ZC3H12C: variants seen among roughly 807,000 people sequenced by gnomAD.
ZC3H12C encodes the protein probable ribonuclease ZC3H12C.
Under a neutral mutation model 76.3 loss-of-function variants are expected in ZC3H12C, and 20 were observed. The ratio of observed to expected loss-of-function variants is 0.26; its 90% CI spans 0.18 to 0.38. The LOEUF (loss-of-function observed/expected upper bound fraction) is 0.38, where lower values mean the gene tolerates loss of function less well. Among genes scored for constraint, ZC3H12C ranks in the 10% least tolerant of loss-of-function variants. The probability of loss-of-function intolerance (pLI) is 1.00; values close to 1 mark genes in which losing one functional copy is unlikely to be tolerated. For synonymous variants in ZC3H12C, 352 were observed against 399.6 expected, an observed-to-expected ratio of 0.88 and a Z score of 1.42; for missense variants, 874 against 1,086.5, an observed-to-expected ratio of 0.80 and a Z score of 2.75.
rs1400071818 is a variant in ZC3H12C, at chr11:110,171,397, T to C, written c.*5660T>C. 1 of 152,232 alleles carries C rather than the reference T, an allele frequency of 6.6e-6. No homozygotes were observed. Among genetic ancestry groups the C allele is most frequent in the Non-Finnish European group, 1.5e-5 (1 of 68,034 alleles). 9.4% of individuals were successfully genotyped at this position (152,232 alleles called of 1,614,324 possible). A position where few individuals can be genotyped will look rare whatever the true frequency, so the allele number is the denominator to read the frequency against. ...GAGTCATATGCTGCTAGTAGAATTT[T>C]TTATTTGATCCTGCGAACTTTTCTT... On this transcript the variant is annotated 3_prime_UTR_variant, in exon 6 of 6. Coordinates refer to ENST00000278590, the MANE Select transcript of ZC3H12C (RefSeq NM_033390.2).
At chr11:110,136,338 TC>T in intron 1 of ZC3H12C, 1 of 214,026 alleles carries the variant, frequency 4.7e-6, no homozygotes, top group East Asian at 1.1e-4. Flanking sequence ...AGTAGAAAAA[TC>T]TGATCCATCG....
chr11:110,093,693 CG>C (rs896615730), intron 1 of ZC3H12C, among the ~76,000 whole-genome samples: 1 of 152,050 alleles, frequency 6.6e-6, no homozygotes, highest in South Asian at 2.1e-4. Context: ...GCCGGGATTT[CG>C]GGCGAGGTGA....
At position 110,165,232 on chromosome 11, in the gene ZC3H12C, G is replaced by A; in HGVS notation, c.2147G>A (p.Gly716Asp). Residue 716 changes from glycine to aspartate, a missense_variant, in exon 6 of 6, where the codon GGC (glycine) becomes GAC (aspartate). By Grantham distance (94) the Gly-to-Asp change is moderately conservative. Transcript: ENST00000278590. ...CTGCACCTGCCGCACTCCGCTGTGG[G>A]CGCCCGGTCCAGCTGTCCTGGCGAC... ...LALHLPHSAV[G>D]ARSSCPGDYP... 3.1e-6 allele frequency: 5 copies of A among 1,613,934 alleles called. No homozygotes were observed. The highest frequency in any genetic ancestry group is 4.2e-6 in the Non-Finnish European group (5 of 1,179,886).
intron 1 of ZC3H12C, among the ~76,000 whole-genome samples, chr11:110,133,095 CA>C (rs1404549773): frequency 6.6e-6 from 1 of 152,004 alleles, no homozygotes; most frequent in Non-Finnish European, 1.5e-5. Flanking sequence ...AAATCTTTAT[CA>C]TGTAGCTTTT....
Position 110,167,478 on chromosome 11 carries a change from A to G in ZC3H12C, c.*1741A>G, listed in dbSNP as rs1281396624. 4 of 152,216 alleles carry G rather than the reference A, an allele frequency of 2.6e-5. No homozygotes were observed. The highest frequency in any genetic ancestry group is 4.4e-5 in the Non-Finnish European group (3 of 68,020). The allele number at this position is 152,216 out of a possible 1,614,324, so 9.4% of individuals were successfully genotyped here. On this transcript the variant is annotated 3_prime_UTR_variant, in exon 6 of 6. Transcript: ENST00000278590. ...TGTCTGTCTTAGTTTTATATAATAT[A>G]TTAAAACACAGTAAATAAATTTATT...
At chr11:110,114,274 T>C (rs1292752929) in intron 1 of ZC3H12C, among the ~76,000 whole-genome samples, 1 of 152,196 alleles carries the variant, frequency 6.6e-6, no homozygotes, top group Non-Finnish European at 1.5e-5. Context: ...CCATAGGGAA[T>C]ATAGGAATAG....
At position 110,113,800 on chromosome 11, in the gene ZC3H12C, G is replaced by T. The variant is rs574965744; in HGVS notation, c.21+20368G>T. On this transcript the variant is annotated intron_variant, in intron 1 of 5. Transcript: ENST00000278590. ...GGCTCTATCTTAGAAAATATATCAT[G>T]TTTGTTTCTCTTTTTTTCTGCATAA... Among the ~76,000 whole-genome samples the T allele has an allele frequency of 3.3e-5, 5 of 152,170 alleles. No individual in the cohort carries two copies. The East Asian group carries it at 7.7e-4, about 24-fold the overall frequency.
chr11:110,096,830 A>G (rs529821898), intron 1 of ZC3H12C, among the ~76,000 whole-genome samples: 1 of 152,342 alleles, frequency 6.6e-6, no homozygotes, highest in East Asian at 1.9e-4. Context: ...GAAGGCAAGG[A>G]CCGTGTCTTT....
chr11:110,137,422 G>A lies in ZC3H12C; in HGVS notation c.773+8G>A. On this transcript the variant is annotated splice_region_variant and intron_variant, in intron 2 of 5. Transcript: ENST00000278590. ...CAGCAATGTGGCAATGAGGTAAGTG[G>A]AAAAATCGTTACTGAAAATTACTAC... is the stretch of plus-strand genomic sequence containing the variant. 2 of 1,569,792 alleles carry A rather than the reference G, an allele frequency of 1.3e-6. No homozygotes were observed. The highest frequency in any genetic ancestry group is 2.2e-5 in the East Asian group (1 of 44,466).
chr11:110,099,169 A>C (rs758625017), intron 1 of ZC3H12C, among the ~76,000 whole-genome samples: 1 of 152,178 alleles, frequency 6.6e-6, no homozygotes. Flanking sequence ...CCAGTATTTT[A>C]ATATTATAAT....
chr11:110,147,203 T>G (rs1401331474), intron 2 of ZC3H12C, among the ~76,000 whole-genome samples: 1 of 152,200 alleles, frequency 6.6e-6, no homozygotes. Flanking sequence ...GGCAAATGTT[T>G]CCAGATCTTT....
intron 2 of ZC3H12C, among the ~76,000 whole-genome samples, chr11:110,138,718 T>A (rs1237937832): frequency 6.6e-6 from 1 of 152,040 alleles, no homozygotes. Context: ...CCACCGTGCC[T>A]GGCTAATTTT....
At chr11:110,152,373 A>T (rs746773344) in intron 2 of ZC3H12C, among the ~76,000 whole-genome samples, 1 of 152,202 alleles carries the variant, frequency 6.6e-6, no homozygotes, top group African/African-American at 2.4e-5. Context: ...CATTGTGAAC[A>T]TGTTTTTCCT....
chr11:110,127,120 T>C (rs780862486), intron 1 of ZC3H12C, among the ~76,000 whole-genome samples: 4 of 152,202 alleles, frequency 2.6e-5, no homozygotes, highest in Non-Finnish European at 5.9e-5. Flanking sequence ...ATTAGGAGAA[T>C]GTCTAACGCT....
At chr11:110,124,979 G>A (rs630839) in intron 1 of ZC3H12C, among the ~76,000 whole-genome samples, 107,695 of 151,930 alleles carry the variant, frequency 0.71, 38,462 homozygotes, top group East Asian at 0.89. Flanking sequence ...GAGAAAATTG[G>A]GAAGAGAAAA....
At chr11:110,118,188 CAA>C (rs1470750488) in intron 1 of ZC3H12C, among the ~76,000 whole-genome samples, 1 of 150,598 alleles carries the variant, frequency 6.6e-6, no homozygotes, top group East Asian at 1.9e-4. Flanking sequence ...AGAAACAACA[CAA>C]AGTCACCCTT....
At chr11:110,117,786 C>CAT in intron 1 of ZC3H12C, among the ~76,000 whole-genome samples, 1 of 132,598 alleles carries the variant, frequency 7.5e-6, no homozygotes, top group East Asian at 2.1e-4. Context: ...TACACACACA[C>CAT]ATATATATAT....
At position 110,106,439 on chromosome 11, in the gene ZC3H12C, T is replaced by C. The variant is rs531084945; in HGVS notation, c.21+13007T>C. On this transcript the variant is annotated intron_variant, in intron 1 of 5. Coordinates refer to ENST00000278590, the MANE Select transcript of ZC3H12C (RefSeq NM_033390.2). ...TAACAGTGCTAAGAAGCTCATTTTGTACAGTCAGAGAGATGGAGATTGAGT... is the reference window on the plus strand; with the variant it reads ...TAACAGTGCTAAGAAGCTCATTTTGCACAGTCAGAGAGATGGAGATTGAGT... Among the ~76,000 whole-genome samples, 8 of 152,320 alleles carry C rather than the reference T, an allele frequency of 5.3e-5. No homozygotes were observed. In the East Asian group the frequency reaches 1.3e-3, roughly 26 times the overall value.
chr11:110,158,679 T>G (rs1175356899), intron 3 of ZC3H12C, among the ~76,000 whole-genome samples: 6 of 152,238 alleles, frequency 3.9e-5, no homozygotes, highest in Non-Finnish European at 8.8e-5. Context: ...TGGGGCATAT[T>G]GTAGCCATGT....
Sources: allele counts gnomAD v4.1 joint callset (sites outside exome capture counted in the v4.1 genomes callset), GRCh38; gene constraint gnomAD v4.1.1; transcripts MANE v1.5; gene names NCBI Gene and HGNC (gene_info 2026-07-23, HGNC 2026-07-21).